Variants in RGS8 observed in about 807,000 individuals in gnomAD.
RGS8 encodes regulator of G protein signaling 8.
Under a neutral mutation model 21.7 loss-of-function variants are expected in RGS8, and 8 were observed. The observed-to-expected ratio is 0.37, with a 90% CI of 0.22 to 0.66. The LOEUF is 0.66. Ranked by LOEUF, RGS8 falls within the 30% of genes least tolerant of loss-of-function variation. The probability of loss-of-function intolerance (pLI) is 0.59; values close to 1 mark genes in which losing one functional copy is unlikely to be tolerated. For missense variants in RGS8, 157 were observed against 217.9 expected (o/e 0.72, Z 1.76); for synonymous variants, 80 against 83.6 (o/e 0.96, Z 0.24).
upstream of RGS8, among the ~76,000 whole-genome samples, chr1:182,676,433 G>A (rs147595232): frequency 7.8e-4 from 119 of 152,272 alleles, 1 homozygote; most frequent in African/African-American, 2.6e-3. Context: ...CCACTTCGTA[G>A]CTTCCTAGTA....
At chr1:182,739,460 C>T in the RGS8 span, among the ~76,000 whole-genome samples, 1 of 152,166 alleles carries the variant, frequency 6.6e-6, no homozygotes, top group Non-Finnish European at 1.5e-5. Context: ...TTTAAAGGCA[C>T]ACCAGCAGTC....
At chr1:182,734,383 G>A in the RGS8 span, 26 of 152,314 alleles carry the variant, frequency 1.7e-4, no homozygotes, top group Admixed American at 3.9e-4. Context: ...CATAGTAGCA[G>A]CAGAAAGTAG....
At chr1:182,652,695 A>ATC (rs1303373767) in intron 5 of RGS8, among the ~76,000 whole-genome samples, 2 of 152,224 alleles carry the variant, frequency 1.3e-5, no homozygotes, top group Non-Finnish European at 2.9e-5. Context: ...TGAGCCAAGA[A>ATC]AACATAATGA....
At chr1:182,648,537 C>T (rs1257288797) in intron 5 of RGS8, among the ~76,000 whole-genome samples, 3 of 151,918 alleles carry the variant, frequency 2.0e-5, no homozygotes, top group African/African-American at 7.3e-5. Context: ...AGTTCGAGAC[C>T]AGCCTGGCCA....
At chr1:182,719,658 G>A in the RGS8 span, among the ~76,000 whole-genome samples, 1 of 151,024 alleles carries the variant, frequency 6.6e-6, no homozygotes, top group Admixed American at 6.6e-5. Context: ...TCAAACTCCT[G>A]GGCTCAATGA....
In RGS8 at chr1:182,648,146, A is replaced by T. The variant is rs1191064716; in HGVS notation, c.351T>A (p.Ala117=). The change falls in exon 6 of 7, where the codon GCT becomes GCA. Residue 117 remains alanine (A), a synonymous_variant. Transcript: ENST00000483095. ...GCCGCTGCCAACACACCTCCCGTGG[A>T]GCCTGCACATCCACAAACTCCTCAA... 3 of 1,608,794 alleles carry T rather than the reference A, an allele frequency of 1.9e-6. No individual in the cohort carries two copies. The Admixed American group carries it at 5.0e-5, about 27-fold the overall frequency.
intron 1 of RGS8, among the ~76,000 whole-genome samples, chr1:182,680,213 C>T (rs754034204): frequency 6.6e-6 from 1 of 152,144 alleles, no homozygotes; most frequent in Non-Finnish European, 1.5e-5. Flanking sequence ...AGCCCTCCTA[C>T]TCTAGGGATA....
the RGS8 span, among the ~76,000 whole-genome samples, chr1:182,695,416 G>A: frequency 6.6e-6 from 1 of 152,148 alleles, no homozygotes; most frequent in Non-Finnish European, 1.5e-5. Context: ...AGCTATTGGA[G>A]CTCAGGAATC....
upstream of RGS8, among the ~76,000 whole-genome samples, chr1:182,688,809 A>C (rs1395801778): frequency 6.6e-6 from 1 of 152,210 alleles, no homozygotes; most frequent in African/African-American, 2.4e-5. Context: ...GCTGAAGTTC[A>C]TCAAGGACAC....
the RGS8 span, among the ~76,000 whole-genome samples, chr1:182,707,630 T>C: frequency 6.6e-6 from 1 of 152,202 alleles, no homozygotes; most frequent in Non-Finnish European, 1.5e-5. Flanking sequence ...AAGGCAACTG[T>C]GTAGTCATCA....
At chr1:182,714,610 T>C in the RGS8 span, 2 of 152,320 alleles carry the variant, frequency 1.3e-5, no homozygotes, top group Middle Eastern at 3.4e-3. Context: ...CATAACACAA[T>C]GTCCTGCATA....
the RGS8 span, among the ~76,000 whole-genome samples, chr1:182,704,031 ATTTATGCAATAAAGATTTCACTATAGC>A: frequency 6.6e-6 from 1 of 152,270 alleles, no homozygotes; most frequent in African/African-American, 2.4e-5. Context: ...AAGACTTTAC[ATTTATGCAATAAAGATTTCACTATAGC>A]TTTAACTATA....
the RGS8 span, among the ~76,000 whole-genome samples, chr1:182,724,614 G>A: frequency 6.6e-6 from 1 of 152,060 alleles, no homozygotes; most frequent in African/African-American, 2.4e-5. Context: ...CTGGAGTGCA[G>A]TGGTGCCATC....
At chr1:182,643,851 G>A (rs753210784), downstream of RGS8, 1 of 152,302 alleles carries the variant, frequency 6.6e-6, no homozygotes, top group Non-Finnish European at 1.5e-5. Flanking sequence ...CCCTCCAGTG[G>A]GGCAAGATCA....
At chr1:182,692,292 C>T in the RGS8 span, among the ~76,000 whole-genome samples, 8 of 152,082 alleles carry the variant, frequency 5.3e-5, no homozygotes, top group South Asian at 2.1e-4. Flanking sequence ...CATAAACCAT[C>T]GGACCCAGCA....
upstream of RGS8, among the ~76,000 whole-genome samples, chr1:182,686,830 C>CT (rs1328990942): frequency 6.6e-6 from 1 of 151,888 alleles, no homozygotes; most frequent in Non-Finnish European, 1.5e-5. Context: ...GAGGGCAGGA[C>CT]TTTGAGAAGT....
chr1:182,744,854 T>C, the RGS8 span, among the ~76,000 whole-genome samples: 1 of 152,204 alleles, frequency 6.6e-6, no homozygotes, highest in Non-Finnish European at 1.5e-5. Flanking sequence ...TAGAACACTT[T>C]CATCACCCCA....
At chr1:182,702,815 G>A in the RGS8 span, among the ~76,000 whole-genome samples, 134 of 152,308 alleles carry the variant, frequency 8.8e-4, no homozygotes, top group African/African-American at 3.1e-3. Flanking sequence ...TATTTTGAAA[G>A]AGGTAAAAAG....
chr1:182,698,243 T>C, the RGS8 span, among the ~76,000 whole-genome samples: 7,860 of 152,244 alleles, frequency 0.052, 437 homozygotes, highest in East Asian at 0.16. Context: ...GCTGGCATCA[T>C]CTGGTCATTG....
Sources: gnomAD v4.1 joint callset for allele counts (sites outside exome capture counted in the v4.1 genomes callset) on GRCh38, gnomAD v4.1.1 for gene constraint, MANE v1.5 for transcripts, NCBI Gene and HGNC (gene_info 2026-07-23, HGNC 2026-07-21) for gene names.